The following SUPT3H variants were observed in gnomAD, a reference collection of about 807,000 sequenced individuals.
SUPT3H encodes the protein SPT3 homolog, SAGA and STAGA complex component.
A neutral mutation model predicts 44.3 loss-of-function variants in SUPT3H; 44 were observed. The observed-to-expected ratio is 0.99, with a 90% confidence interval of 0.78 to 1.28. The LOEUF is 1.28. Among genes scored for constraint, SUPT3H ranks in the 50% most tolerant of loss-of-function variants. SUPT3H has a pLI of 0.00. For synonymous variants in SUPT3H, 124 were observed against 125.6 expected (o/e 0.99, Z 0.09); for missense variants, 380 against 387.1 (o/e 0.98, Z 0.15).
At chr6:45,321,795 C>T (rs188596507) in intron 2 of SUPT3H, 3 of 1,599,438 alleles carry the variant, frequency 1.9e-6, no homozygotes, top group Admixed American at 1.7e-5. Flanking sequence ...CCACTACTTA[C>T]CTGCCAGAAT....
At chr6:45,280,325 A>C in intron 2 of SUPT3H, among the ~76,000 whole-genome samples, 1 of 152,092 alleles carries the variant, frequency 6.6e-6, no homozygotes, top group South Asian at 2.1e-4. Context: ...AACATGGTGA[A>C]ACCCTGTCTC....
intron 2 of SUPT3H, among the ~76,000 whole-genome samples, chr6:45,332,942 C>T (rs1787802129): frequency 6.6e-6 from 1 of 151,582 alleles, no homozygotes; most frequent in Non-Finnish European, 1.5e-5. Context: ...GCTGCAACTT[C>T]CACTGAAGAT....
chr6:45,308,261 C>G (rs1402701120), intron 2 of SUPT3H, among the ~76,000 whole-genome samples: 1 of 152,094 alleles, frequency 6.6e-6, no homozygotes, highest in Non-Finnish European at 1.5e-5. Context: ...CACAAAGATA[C>G]TCCTCGAGAA....
chr6:45,158,298 A>ATATATATATTTTTTTTTTTTT, intron 2 of SUPT3H, among the ~76,000 whole-genome samples: 11 of 99,690 alleles, frequency 1.1e-4, no homozygotes, highest in African/African-American at 5.0e-4. Flanking sequence ...ATATATATAT[A>ATATATATATTTTTTTTTTTTT]TTTTTTTTTT....
At chr6:44,887,048 A>G (rs1409330397) in intron 10 of SUPT3H, among the ~76,000 whole-genome samples, 1 of 152,230 alleles carries the variant, frequency 6.6e-6, no homozygotes, top group Admixed American at 6.5e-5. Flanking sequence ...TAAAGGGATC[A>G]ATACAACAAG....
intron 2 of SUPT3H, among the ~76,000 whole-genome samples, chr6:45,288,583 GTA>G (rs1261356182): frequency 2.7e-4 from 24 of 87,576 alleles, no homozygotes; most frequent in Non-Finnish European, 4.6e-4. Flanking sequence ...ATATATATAT[GTA>G]TATATATATA....
At chr6:45,150,046 T>C (rs1435090792) in intron 2 of SUPT3H, among the ~76,000 whole-genome samples, 1 of 152,146 alleles carries the variant, frequency 6.6e-6, no homozygotes, top group Middle Eastern at 3.2e-3. Context: ...CAATGTTTTT[T>C]TTAAGAGCTC....
intron 10 of SUPT3H, among the ~76,000 whole-genome samples, chr6:44,930,351 A>AGCCT (rs1770370488): frequency 6.6e-6 from 1 of 151,498 alleles, no homozygotes; most frequent in African/African-American, 2.4e-5. Context: ...ACTGCATTCC[A>AGCCT]GCCTGGGTGA....
At chr6:44,862,933 C>T (rs553019878) in intron 10 of SUPT3H, among the ~76,000 whole-genome samples, 14 of 152,192 alleles carry the variant, frequency 9.2e-5, no homozygotes, top group South Asian at 6.2e-4. Context: ...CTCTCTTTGA[C>T]GGCATATTCT....
At chr6:45,142,693 G>A (rs1038537739) in intron 2 of SUPT3H, among the ~76,000 whole-genome samples, 4 of 125,818 alleles carry the variant, frequency 3.2e-5, no homozygotes, top group Non-Finnish European at 6.3e-5. Context: ...CAGAGATTGT[G>A]CCATTGCACT....
chr6:44,887,100 G>A (rs925235637), intron 10 of SUPT3H, among the ~76,000 whole-genome samples: 6 of 152,250 alleles, frequency 3.9e-5, no homozygotes, highest in African/African-American at 1.4e-4. Context: ...CAAGACAGGA[G>A]CACCCAGTTT....
chr6:45,138,577 A>G (rs959875674), intron 2 of SUPT3H, among the ~76,000 whole-genome samples: 1 of 152,138 alleles, frequency 6.6e-6, no homozygotes, highest in African/African-American at 2.4e-5. Flanking sequence ...ACATTATGCA[A>G]TATAAAAGAG....
At chr6:45,347,521 C>A (rs956172976) in intron 2 of SUPT3H, among the ~76,000 whole-genome samples, 1 of 151,954 alleles carries the variant, frequency 6.6e-6, no homozygotes, top group Non-Finnish European at 1.5e-5. Context: ...AAAATCTGAC[C>A]TTTAATATAT....
At chr6:44,928,941 A>G (rs889670805) in intron 10 of SUPT3H, among the ~76,000 whole-genome samples, 1 of 150,674 alleles carries the variant, frequency 6.6e-6, no homozygotes, top group East Asian at 2.0e-4. Flanking sequence ...GAAAACCAAT[A>G]TGCCAAAGAG....
chr6:45,183,573 C>G (rs1257340933), intron 2 of SUPT3H, among the ~76,000 whole-genome samples: 1 of 152,180 alleles, frequency 6.6e-6, no homozygotes. Flanking sequence ...AGAGTAAGAA[C>G]TCGCTTATCA....
At chr6:45,096,616 A>C (rs926879831) in intron 3 of SUPT3H, among the ~76,000 whole-genome samples, 1 of 144,948 alleles carries the variant, frequency 6.9e-6, no homozygotes, top group Non-Finnish European at 1.5e-5. Context: ...AAGACGAGAC[A>C]AAAAAAAATG....
intron 9 of SUPT3H, among the ~76,000 whole-genome samples, chr6:44,938,192 C>T (rs556352): frequency 0.98 from 148,941 of 152,030 alleles, 72,967 homozygotes; most frequent in Middle Eastern, 1. Context: ...CTTTGAGTAT[C>T]TTTTTATAGT....
Position 44,906,318 on chromosome 6 carries a change from T to C in SUPT3H, c.912+26335A>G, listed in dbSNP as rs111682353. On this transcript the variant is annotated intron_variant, in intron 10 of 10. Coordinates refer to ENST00000371459, the MANE Select transcript of SUPT3H (RefSeq NM_003599.4). ...CTTCAGTATATTTAATATGAGTAAT[T>C]TTTCACCTCCTTTACAGAGGAACAA... 2.1e-4 allele frequency among the ~76,000 whole-genome samples: 32 copies of C among 152,248 alleles called. No individual in the cohort carries two copies. The East Asian group carries it at 5.2e-3, about 25-fold the overall frequency.
intron 2 of SUPT3H, among the ~76,000 whole-genome samples, chr6:45,316,867 A>G (rs1302212018): frequency 6.6e-6 from 1 of 152,154 alleles, no homozygotes; most frequent in Non-Finnish European, 1.5e-5. Context: ...CACTGAGGAA[A>G]GAAATGGAAG....
Sources: allele counts gnomAD v4.1 joint callset (sites outside exome capture counted in the v4.1 genomes callset), GRCh38; gene constraint gnomAD v4.1.1; transcripts MANE v1.5; gene names NCBI Gene and HGNC (gene_info 2026-07-23, HGNC 2026-07-21).